Variants in ASIC2 observed in about 807,000 individuals in gnomAD.
ASIC2 encodes the protein acid-sensing ion channel 2.
In ASIC2, 25 loss-of-function variants were observed where a neutral mutation model predicts 57.3. That is an observed-to-expected ratio of 0.44 (90% CI 0.32 to 0.61). The LOEUF (loss-of-function observed/expected upper bound fraction) is 0.61, where lower values mean the gene tolerates loss of function less well. ASIC2 is among the 20% of genes least tolerant of loss of function. The pLI is 0.06. For synonymous variants in ASIC2, 319 were observed against 307.5 expected, an observed-to-expected ratio of 1.04 and a Z score of -0.39; for missense variants, 641 against 738.1, an observed-to-expected ratio of 0.87 and a Z score of 1.52.
intron 1 of ASIC2, among the ~76,000 whole-genome samples, chr17:33,776,650 C>T (rs139090869): frequency 6.6e-6 from 1 of 152,258 alleles, no homozygotes; most frequent in African/African-American, 2.4e-5. Flanking sequence ...GAAGCAGGGG[C>T]AAGCAAACAC....
chr17:33,213,473 G>A (rs985557005), intron 1 of ASIC2, among the ~76,000 whole-genome samples: 1 of 152,200 alleles, frequency 6.6e-6, no homozygotes. Flanking sequence ...ATTGGAAGCT[G>A]GGCCTTGCAA....
intron 3 of ASIC2, among the ~76,000 whole-genome samples, chr17:33,056,424 G>C (rs1439840230): frequency 1.3e-5 from 2 of 152,164 alleles, no homozygotes; most frequent in African/African-American, 4.8e-5. Context: ...TTTGGGGTTG[G>C]GGGAAGATAG....
At chr17:33,706,223 A>G (rs867963362) in intron 1 of ASIC2, among the ~76,000 whole-genome samples, 1 of 128,978 alleles carries the variant, frequency 7.8e-6, no homozygotes, top group African/African-American at 3.3e-5. Flanking sequence ...ATATATATAT[A>G]TATATATGTA....
rs144120237 is a variant in ASIC2 at position 33,858,496 on chromosome 17, C to T, written c.555+297482G>A. Among the ~76,000 whole-genome samples the T allele has an allele frequency of 2.3e-3, 352 of 152,352 alleles. 3 individuals are homozygous for T. The highest frequency in any genetic ancestry group is 2.1e-3 in the South Asian group (10 of 4,834). On this transcript the variant is annotated intron_variant, in intron 1 of 9. Transcript: ENST00000359872. ...TTGTTTAGTTCAAAGACCTCATTAACGCTGGGGTTAGCGGGAGCAGCTTCA... is the reference window on the plus strand; with the variant it reads ...TTGTTTAGTTCAAAGACCTCATTAATGCTGGGGTTAGCGGGAGCAGCTTCA...
At chr17:33,102,527 T>C (rs2092215891) in intron 2 of ASIC2, among the ~76,000 whole-genome samples, 1 of 152,204 alleles carries the variant, frequency 6.6e-6, no homozygotes, top group Non-Finnish European at 1.5e-5. Flanking sequence ...GTAGTTCAGT[T>C]GAGGATTTTT....
intron 1 of ASIC2, among the ~76,000 whole-genome samples, chr17:33,844,775 A>G (rs939772580): frequency 6.6e-6 from 1 of 152,232 alleles, no homozygotes; most frequent in Non-Finnish European, 1.5e-5. Flanking sequence ...AGTGATTGCA[A>G]ATATCAGATT....
intron 1 of ASIC2, among the ~76,000 whole-genome samples, chr17:33,983,997 CTTG>C (rs1414883429): frequency 2.0e-5 from 3 of 152,322 alleles, no homozygotes; most frequent in Middle Eastern, 3.4e-3. Context: ...GCTGTCTGTT[CTTG>C]TTGTCACTAG....
intron 1 of ASIC2, among the ~76,000 whole-genome samples, chr17:33,976,970 T>C (rs1425092785): frequency 6.6e-6 from 1 of 152,056 alleles, no homozygotes. Context: ...TAATTTAACC[T>C]CGTTGTGGCG....
chr17:33,143,436 T>C (rs1904411979), intron 1 of ASIC2, among the ~76,000 whole-genome samples: 1 of 152,190 alleles, frequency 6.6e-6, no homozygotes, highest in Admixed American at 6.5e-5. Flanking sequence ...CCAGGTACCA[T>C]GAGAGTTGCT....
At chr17:33,929,748 C>T (rs182768753) in intron 1 of ASIC2, among the ~76,000 whole-genome samples, 8 of 152,316 alleles carry the variant, frequency 5.3e-5, no homozygotes, top group Admixed American at 2.0e-4. Context: ...TACTGCCTGC[C>T]GTGCAAAGCA....
Position 34,087,483 on chromosome 17 carries a change from C to T in ASIC2, c.555+68495G>A, listed in dbSNP as rs549431125. On this transcript the variant is annotated intron_variant, in intron 1 of 9. Coordinates refer to the ASIC2 transcript ENST00000359872. Reference sequence around the variant, plus strand: ...TGGCTGCCCTTAACATTTTTTCCTTCATTCCAACTTTGGTTCATCTGACAA... The same window carrying T: ...TGGCTGCCCTTAACATTTTTTCCTTTATTCCAACTTTGGTTCATCTGACAA... Among the ~76,000 whole-genome samples the T allele has an allele frequency of 1.8e-4, 27 of 152,172 alleles. No individual in the cohort carries two copies. In the East Asian group the frequency reaches 5.2e-3, roughly 29 times the overall value.
intron 1 of ASIC2, among the ~76,000 whole-genome samples, chr17:34,122,468 T>C (rs1417484324): frequency 6.6e-6 from 1 of 152,236 alleles, no homozygotes; most frequent in East Asian, 1.9e-4. Flanking sequence ...CAGTTCCACC[T>C]GCCACTTCGA....
chr17:33,559,760 A>G (rs1208452741), intron 1 of ASIC2, among the ~76,000 whole-genome samples: 2 of 152,212 alleles, frequency 1.3e-5, no homozygotes, highest in Non-Finnish European at 2.9e-5. Flanking sequence ...CATGTAAGGG[A>G]CAGTATGGGT....
At chr17:33,900,963 C>G (rs1385386832) in intron 1 of ASIC2, among the ~76,000 whole-genome samples, 1 of 152,230 alleles carries the variant, frequency 6.6e-6, no homozygotes, top group East Asian at 1.9e-4. Context: ...AGCTTCCAGG[C>G]TCCTGGTCCT....
At chr17:34,080,491 C>G (rs1486657120) in intron 1 of ASIC2, among the ~76,000 whole-genome samples, 1 of 152,206 alleles carries the variant, frequency 6.6e-6, no homozygotes, top group Non-Finnish European at 1.5e-5. Context: ...CTCTCACTTT[C>G]CAACTGGATG....
At chr17:34,000,083 A>G (rs1436929988) in intron 1 of ASIC2, among the ~76,000 whole-genome samples, 1 of 150,340 alleles carries the variant, frequency 6.7e-6, no homozygotes, top group Non-Finnish European at 1.5e-5. Context: ...TCCTTTGAAT[A>G]TATCATCCCA....
chr17:33,272,810 T>A (rs1334090038), intron 1 of ASIC2, among the ~76,000 whole-genome samples: 2 of 152,234 alleles, frequency 1.3e-5, no homozygotes, highest in Non-Finnish European at 2.9e-5. Flanking sequence ...TCTCAGAACA[T>A]CCCAGTGAGG....
At chr17:33,566,657 T>C (rs1302396799) in intron 1 of ASIC2, among the ~76,000 whole-genome samples, 1 of 152,194 alleles carries the variant, frequency 6.6e-6, no homozygotes, top group East Asian at 1.9e-4. Context: ...CTGAGCCACC[T>C]GGAACCCCAA....
upstream of ASIC2, among the ~76,000 whole-genome samples, chr17:33,296,871 A>G (rs1388289330): frequency 6.6e-6 from 1 of 152,246 alleles, no homozygotes; most frequent in Non-Finnish European, 1.5e-5. Flanking sequence ...ATTGGAAAGT[A>G]TCTGAGATAC....
Sources: allele counts gnomAD v4.1 joint callset (sites outside exome capture counted in the v4.1 genomes callset), GRCh38; gene constraint gnomAD v4.1.1; transcripts MANE v1.5; gene names NCBI Gene and HGNC (gene_info 2026-07-23, HGNC 2026-07-21).